The following DPY30 variants were observed in gnomAD, a reference collection of about 807,000 sequenced individuals.
DPY30 encodes the protein protein dpy-30 homolog.
Under a neutral mutation model 16.2 loss-of-function variants are expected in DPY30, and 6 were observed. The ratio of observed to expected loss-of-function variants is 0.37; its 90% confidence interval spans 0.20 to 0.73. The LOEUF (loss-of-function observed/expected upper bound fraction) is 0.73, where lower values mean the gene tolerates loss of function less well. DPY30 is among the 30% of genes least tolerant of loss of function. The pLI is 0.51. For synonymous variants in DPY30, 39 were observed against 38.8 expected, an observed-to-expected ratio of 1.00 and a Z score of -0.02; for missense variants, 73 against 113.1, an observed-to-expected ratio of 0.65 and a Z score of 1.61.
At chr2:32,034,134 A>G (rs149794877) in intron 3 of DPY30, among the ~76,000 whole-genome samples, 2 of 152,212 alleles carry the variant, frequency 1.3e-5, no homozygotes, top group East Asian at 3.8e-4. Flanking sequence ...GAAAGAGACT[A>G]AACATATTGC....
rs1675586012 is a variant in DPY30, at chr2:32,032,724, A to G, written c.85-2988T>C. Among the ~76,000 whole-genome samples, 3 of 152,214 alleles carry G rather than the reference A, an allele frequency of 2.0e-5. No homozygotes were observed. In the South Asian group the frequency reaches 6.2e-4, roughly 31 times the overall value. ...TTAAAAGAATAATTTTAGGCCGGGC[A>G]CAGTGGCTCACGCCTATAATCCCAG... is the stretch of plus-strand genomic sequence containing the variant. On this transcript the variant is annotated intron_variant, in intron 3 of 4. Transcript: ENST00000342166.
At chr2:32,026,039 C>G (rs926438457) in intron 4 of DPY30, among the ~76,000 whole-genome samples, 2 of 151,914 alleles carry the variant, frequency 1.3e-5, no homozygotes, top group Admixed American at 6.6e-5. Flanking sequence ...CCTGGGAGTT[C>G]GAGGCTTCAG....
At chr2:32,038,957 T>C (rs565644916) in intron 3 of DPY30, among the ~76,000 whole-genome samples, 1 of 152,330 alleles carries the variant, frequency 6.6e-6, no homozygotes, top group Non-Finnish European at 1.5e-5. Flanking sequence ...GAAGGGTTTC[T>C]TAATTTTAAT....
chr2:32,021,936 G>A (rs1458058337), downstream of DPY30, among the ~76,000 whole-genome samples: 2 of 151,882 alleles, frequency 1.3e-5, no homozygotes, highest in African/African-American at 4.8e-5. Flanking sequence ...AATTATGGGC[G>A]TGGTGGCTCA....
chr2:32,014,281 G>A (rs1024343777), intron 5 of DPY30, among the ~76,000 whole-genome samples: 8 of 152,124 alleles, frequency 5.3e-5, no homozygotes, highest in Non-Finnish European at 1.2e-4. Flanking sequence ...CCAGGAGTTC[G>A]AGACCAGCCT....
downstream of DPY30, chr2:32,020,983 A>AG (rs1487470663): frequency 6.6e-6 from 1 of 152,098 alleles, no homozygotes. Flanking sequence ...AAAAAAAAAA[A>AG]ATTGGCCGGG....
intron 3 of DPY30, among the ~76,000 whole-genome samples, chr2:32,030,056 T>C (rs1422145324): frequency 7.0e-6 from 1 of 142,688 alleles, no homozygotes; most frequent in Non-Finnish European, 1.5e-5. Context: ...CTTCTTAGAG[T>C]GTGTTCCCAA....
chr2:32,022,835 C>T (rs1351660106), downstream of DPY30, among the ~76,000 whole-genome samples: 1 of 151,952 alleles, frequency 6.6e-6, no homozygotes, highest in Non-Finnish European at 1.5e-5. Flanking sequence ...AAATTTCTAA[C>T]TTTGCAAAGG....
intron 3 of DPY30, among the ~76,000 whole-genome samples, chr2:32,035,607 T>C (rs1675704920): frequency 6.8e-6 from 1 of 147,596 alleles, no homozygotes; most frequent in East Asian, 2.0e-4. Flanking sequence ...AAAAAAAACA[T>C]TTATAATATA....
intron 3 of DPY30, among the ~76,000 whole-genome samples, chr2:32,033,490 T>C (rs751514016): frequency 6.6e-6 from 1 of 151,800 alleles, no homozygotes; most frequent in Non-Finnish European, 1.5e-5. Flanking sequence ...CTGGCCAACA[T>C]GGAGAAACCA....
In DPY30 at chr2:32,039,791, A is replaced by C. The variant is rs987595473; in HGVS notation, c.-95T>G. ...CACCGCGCCACCAGCTCCCAGCACA[A>C]ACAGCTCCGGCCGTAAGTGACGGCT... On this transcript the variant is annotated 5_prime_UTR_variant, in exon 1 of 5. Coordinates refer to ENST00000342166, the MANE Select transcript of DPY30 (RefSeq NM_001321209.2). The C allele has an allele frequency of 1.5e-5, 6 of 389,734 alleles. No homozygotes were observed. Among genetic ancestry groups the C allele is most frequent in the African/African-American group, 6.0e-5 (3 of 49,874 alleles). 24.1% of individuals were successfully genotyped at this position (389,734 alleles called of 1,614,324 possible).
At chr2:32,015,832 C>A (rs1459007782) in intron 5 of DPY30, among the ~76,000 whole-genome samples, 3 of 140,442 alleles carry the variant, frequency 2.1e-5, no homozygotes, top group Non-Finnish European at 4.6e-5. Context: ...TCAAGGCTGA[C>A]AGAGCAAGAC....
chr2:32,035,948 A>AG (rs1223738048), intron 3 of DPY30, among the ~76,000 whole-genome samples: 1 of 151,640 alleles, frequency 6.6e-6, no homozygotes, highest in Admixed American at 6.6e-5. Flanking sequence ...AAAAAAAAAA[A>AG]AAAAAGAAAA....
At chr2:32,037,019 A>G (rs1317485623) in intron 3 of DPY30, among the ~76,000 whole-genome samples, 1 of 152,222 alleles carries the variant, frequency 6.6e-6, no homozygotes, top group Non-Finnish European at 1.5e-5. Context: ...TTCAGAAACA[A>G]TGTCCGCCAG....
intron 2 of DPY30, 31 bp from the exon 3 acceptor site, chr2:32,039,357 T>C: frequency 1.2e-6 from 2 of 1,614,046 alleles, no homozygotes; most frequent in Admixed American, 1.7e-5. Flanking sequence ...CACAGAGATA[T>C]AAGTCCCCCC....
downstream of DPY30, among the ~76,000 whole-genome samples, chr2:32,019,357 G>A (rs1230764477): frequency 6.6e-6 from 1 of 152,098 alleles, no homozygotes; most frequent in Admixed American, 6.5e-5. Flanking sequence ...AGGGTATTAA[G>A]CTAAAATTAG....
intron 4 of DPY30, among the ~76,000 whole-genome samples, chr2:32,028,386 G>A (rs991546562): frequency 6.6e-6 from 1 of 152,108 alleles, no homozygotes; most frequent in Non-Finnish European, 1.5e-5. Context: ...CCTAATAAAC[G>A]TTGACTAGTC....
chr2:32,031,968 A>G (rs1207309459), intron 3 of DPY30, among the ~76,000 whole-genome samples: 2 of 152,158 alleles, frequency 1.3e-5, no homozygotes, highest in Non-Finnish European at 1.5e-5. Flanking sequence ...AGGACAAAAC[A>G]GTATTCCTAA....
At chr2:32,029,436 ATGTC>A (rs1032724797) in intron 4 of DPY30, among the ~76,000 whole-genome samples, 154 bp downstream of exon 4, 13 of 152,210 alleles carry the variant, frequency 8.5e-5, no homozygotes, top group African/African-American at 3.1e-4. Flanking sequence ...AAAAATTTAA[ATGTC>A]TGAATTATGA....
Sources: allele counts gnomAD v4.1 joint callset (sites outside exome capture counted in the v4.1 genomes callset), GRCh38; gene constraint gnomAD v4.1.1; transcripts MANE v1.5; gene names NCBI Gene and HGNC (gene_info 2026-07-23, HGNC 2026-07-21).